Variants in MTHFS observed in about 807,000 individuals in gnomAD.
MTHFS encodes the protein 5-formyltetrahydrofolate cyclo-ligase.
MTHFS carries 7 observed loss-of-function variants against 12.7 expected under a neutral mutation model. The ratio of observed to expected loss-of-function variants is 0.55; its 90% CI spans 0.31 to 1.03. MTHFS has a LOEUF of 1.03. Ranked by LOEUF, MTHFS falls within the 50% of genes least tolerant of loss-of-function variation. The pLI is 0.05. For synonymous variants in MTHFS, 100 were observed against 97.1 expected, an observed-to-expected ratio of 1.03 and a Z score of -0.18; for missense variants, 252 against 258.1, an observed-to-expected ratio of 0.98 and a Z score of 0.16.
At chr15:79,895,760 C>G (rs1189360433) in intron 1 of MTHFS, among the ~76,000 whole-genome samples, 4 of 152,132 alleles carry the variant, frequency 2.6e-5, no homozygotes, top group Non-Finnish European at 4.4e-5. Flanking sequence ...CCCATAGGCA[C>G]CTTGAATTTG....
intron 2 of MTHFS, among the ~76,000 whole-genome samples, chr15:79,874,774 G>T (rs557802159): frequency 6.6e-6 from 1 of 152,090 alleles, no homozygotes; most frequent in South Asian, 2.1e-4. Context: ...CTGAAAAAAA[G>T]AATTCAGCGA....
intron 2 of MTHFS, among the ~76,000 whole-genome samples, chr15:79,882,611 AC>A (rs1293032352): frequency 1.3e-5 from 2 of 152,150 alleles, no homozygotes; most frequent in Admixed American, 1.3e-4. Context: ...CCTCACTCAC[AC>A]AGGGTGCAGC....
intron 1 of MTHFS, among the ~76,000 whole-genome samples, chr15:79,890,207 C>CTTTTTTT (rs71150999): frequency 6.0e-5 from 6 of 100,738 alleles, no homozygotes; most frequent in South Asian, 4.3e-4. Context: ...CTCTTTTTTC[C>CTTTTTTT]TTTTTTTTTT....
chr15:79,854,312 C>T (rs1193434487), intron 2 of MTHFS, among the ~76,000 whole-genome samples: 2 of 152,158 alleles, frequency 1.3e-5, no homozygotes, highest in Non-Finnish European at 1.5e-5. Context: ...ACAACTTGGC[C>T]TGAAGGTGCA....
intron 1 of MTHFS, among the ~76,000 whole-genome samples, chr15:79,895,400 TA>T (rs2141383143): frequency 6.6e-6 from 1 of 152,364 alleles, no homozygotes; most frequent in Non-Finnish European, 1.5e-5. Flanking sequence ...CTTTATCATA[TA>T]TCTGGCTTCA....
In MTHFS at chr15:79,845,391, T is replaced by C; in HGVS notation, c.431A>G (p.Asn144Ser). ...GTAGCCCTTGCCCCTCCCCAGTCGG[T>C]TGCCATGTTTGTCAAACCCAAGGCC... Reference protein sequence around the residue: ...MPGLGFDKHGNRLGRGKGYYD... With the variant: ...MPGLGFDKHGSRLGRGKGYYD... The change falls in exon 3 of 3, where the codon AAC (asparagine) becomes AGC (serine). Residue 144 changes from asparagine to serine, a missense_variant. By Grantham distance (46) the Asn-to-Ser change is conservative (BLOSUM62 1). Coordinates refer to ENST00000258874, the MANE Select transcript of MTHFS (RefSeq NM_006441.4). 1 of 1,614,134 alleles carries C rather than the reference T, an allele frequency of 6.2e-7. No individual in the cohort carries two copies. Among genetic ancestry groups the C allele is most frequent in the South Asian group, 1.1e-5 (1 of 91,078 alleles).
chr15:79,886,628 C>G lies in MTHFS; in HGVS notation c.379+2465G>C, dbSNP rs146006090. ...CTATTCAGAACCATATTCTAAATTT[C>G]TATGTTTTTAATATTCAGTATCTTT... On this transcript the variant is annotated intron_variant, in intron 2 of 2. Coordinates refer to ENST00000258874, the MANE Select transcript of MTHFS (RefSeq NM_006441.4). 1.0e-3 allele frequency among the ~76,000 whole-genome samples: 154 copies of G among 151,818 alleles called. 1 individual carries two copies. The highest frequency in any genetic ancestry group is 6.8e-3 in the Middle Eastern group (2 of 294).
intron 2 of MTHFS, among the ~76,000 whole-genome samples, chr15:79,851,423 T>C (rs148736000): frequency 2.0e-4 from 31 of 152,334 alleles, no homozygotes; most frequent in African/African-American, 5.8e-4. Flanking sequence ...GCTGTATTTA[T>C]TTTAGCTTCC....
intron 1 of MTHFS, among the ~76,000 whole-genome samples, chr15:79,892,959 TAAAA>T (rs985493632): frequency 6.3e-4 from 95 of 151,348 alleles, no homozygotes; most frequent in African/African-American, 2.3e-3. Flanking sequence ...AAAAAAAAAT[TAAAA>T]AAATAAATAC....
chr15:79,897,013 C>G lies in MTHFS; in HGVS notation c.-25G>C, dbSNP rs780401692. ...TCTCACGCCCAAGCCGAGTCCAGTC[C>G]CGCCCTCGGCGCCCTGGGCGCCCTC... On this transcript the variant is annotated 5_prime_UTR_variant, in exon 1 of 3. Transcript: ENST00000258874. 1.3e-6 allele frequency: 2 copies of G among 1,502,572 alleles called. 1 individual carries two copies. Among genetic ancestry groups the G allele is most frequent in the South Asian group, 2.5e-5 (2 of 81,078 alleles). 93.1% of individuals were successfully genotyped at this position (1,502,572 alleles called of 1,614,324 possible). A position where few individuals can be genotyped will look rare whatever the true frequency, so the allele number is the denominator to read the frequency against.
At chr15:79,850,112 G>A (rs1335347199) in intron 2 of MTHFS, among the ~76,000 whole-genome samples, 1 of 152,204 alleles carries the variant, frequency 6.6e-6, no homozygotes, top group East Asian at 1.9e-4. Context: ...CATGAAAACT[G>A]TATTAGATAA....
intron 2 of MTHFS, among the ~76,000 whole-genome samples, chr15:79,856,349 C>CT (rs1045336839): frequency 3.9e-5 from 6 of 152,140 alleles, no homozygotes; most frequent in Non-Finnish European, 5.9e-5. Context: ...TCTTTGCCTA[C>CT]TTTTTTAATG....
intron 1 of MTHFS, 95 bp from the exon 2 acceptor site, chr15:79,889,449 C>T: frequency 8.6e-6 from 7 of 812,270 alleles, no homozygotes; most frequent in Admixed American, 2.8e-5. Context: ...TCTCCAATTT[C>T]TTTAAATATT....
In MTHFS at chr15:79,845,296, T is replaced by C; in HGVS notation, c.526A>G (p.Lys176Glu). 6.2e-7 allele frequency: 1 copy of C among 1,614,194 alleles called. No individual in the cohort carries two copies. ...GGGACCTGGAGGCAAATCTGTTCTT[T>C]GAAAGCCAACGCCAGGGTGTAGGGC... ...VKPYTLALAF[K>E]EQICLQVPVN... Residue 176 changes from lysine (K) to glutamate (E), a missense_variant, in exon 3 of 3, where the codon AAA (lysine) becomes GAA (glutamate). By Grantham distance (56) the Lys-to-Glu change is moderately conservative. Transcript: ENST00000258874.
intron 2 of MTHFS, among the ~76,000 whole-genome samples, chr15:79,880,629 T>C (rs527909599): frequency 1.3e-5 from 2 of 152,164 alleles, no homozygotes; most frequent in South Asian, 4.1e-4. Context: ...AAAAAAATGT[T>C]TGAAGACTAT....
At chr15:79,883,848 G>A (rs2034338195) in intron 2 of MTHFS, among the ~76,000 whole-genome samples, 1 of 152,164 alleles carries the variant, frequency 6.6e-6, no homozygotes, top group African/African-American at 2.4e-5. Flanking sequence ...TGACTCCAAA[G>A]CCAGTGATCT....
chr15:79,857,760 C>G (rs938075497), intron 2 of MTHFS, among the ~76,000 whole-genome samples: 1 of 152,084 alleles, frequency 6.6e-6, no homozygotes, highest in Admixed American at 6.6e-5. Flanking sequence ...GTGGCTCACG[C>G]CTGTAATCCC....
intron 2 of MTHFS, among the ~76,000 whole-genome samples, chr15:79,846,303 G>A (rs1053816754): frequency 3.3e-5 from 5 of 152,202 alleles, no homozygotes; most frequent in African/African-American, 9.7e-5. Flanking sequence ...CACATTACAT[G>A]TCAAACCCAG....
At chr15:79,897,191 G>T (rs2865825), upstream of MTHFS, 1 of 478,592 alleles carries the variant, frequency 2.1e-6, no homozygotes. Context: ...CCCAGCCCTC[G>T]TGCGGTCCCC....
Sources: allele counts gnomAD v4.1 joint callset (sites outside exome capture counted in the v4.1 genomes callset), GRCh38; gene constraint gnomAD v4.1.1; transcripts MANE v1.5; gene names NCBI Gene and HGNC (gene_info 2026-07-23, HGNC 2026-07-21).